The following DNAJC2 variants were observed in gnomAD, a reference collection of about 807,000 sequenced individuals.
DNAJC2 encodes the protein DnaJ heat shock protein family (Hsp40) member C2.
Under a neutral mutation model 94.0 loss-of-function variants are expected in DNAJC2, and 32 were observed. That is an observed-to-expected ratio of 0.34 (90% confidence interval 0.26 to 0.46). The LOEUF (loss-of-function observed/expected upper bound fraction) is 0.46, where lower values mean the gene tolerates loss of function less well. DNAJC2 is among the 20% of genes least tolerant of loss of function. The probability of loss-of-function intolerance (pLI) is 1.00; values close to 1 mark genes in which losing one functional copy is unlikely to be tolerated. For synonymous variants in DNAJC2, 210 were observed against 229.7 expected (o/e 0.91, Z 0.77); for missense variants, 550 against 719.5 (o/e 0.76, Z 2.69).
intron 3 of DNAJC2, among the ~76,000 whole-genome samples, chr7:103,331,741 T>C (rs1369509154): frequency 6.6e-6 from 1 of 152,230 alleles, no homozygotes; most frequent in Admixed American, 6.5e-5. Context: ...CTTTTCTTTA[T>C]CAACTAGTCT....
chr7:103,316,712 G>T, intron 13 of DNAJC2, 118 bp downstream of exon 13: 1 of 866,502 alleles, frequency 1.2e-6, no homozygotes. Flanking sequence ...CTTTTCTGCT[G>T]TGGCACAGAA....
chr7:103,327,452 G>T, intron 4 of DNAJC2: 2 of 749,980 alleles, frequency 2.7e-6, no homozygotes, highest in Non-Finnish European at 4.3e-6. Context: ...GCTGCCAGGT[G>T]TTGCTGATGC....
At chr7:103,337,653 T>C in intron 3 of DNAJC2, 83 bp downstream of exon 3, 1 of 1,129,602 alleles carries the variant, frequency 8.9e-7, no homozygotes, top group Non-Finnish European at 1.3e-6. Flanking sequence ...CTGCAGACTA[T>C]GATACTGTAT....
chr7:103,320,560 A>G (rs1006047530), intron 10 of DNAJC2, among the ~76,000 whole-genome samples: 2 of 151,404 alleles, frequency 1.3e-5, no homozygotes, highest in East Asian at 3.9e-4. Context: ...GGAGATCGAG[A>G]CCATCCTGGC....
chr7:103,319,513 C>T, intron 12 of DNAJC2, 96 bp downstream of exon 12: 1 of 1,118,470 alleles, frequency 8.9e-7, no homozygotes, highest in Non-Finnish European at 1.3e-6. Flanking sequence ...AAATCAGATA[C>T]TCCCTGCACT....
At chr7:103,340,758 A>G (rs574525318) in intron 2 of DNAJC2, among the ~76,000 whole-genome samples, 6 of 152,336 alleles carry the variant, frequency 3.9e-5, no homozygotes, top group East Asian at 1.9e-4. Flanking sequence ...TTGTCATTCA[A>G]TTCCTCACAG....
rs747301944 is a variant in DNAJC2, at chr7:103,313,018, G to A, written c.1720C>T (p.Pro574Ser). Residue 574 changes from proline to serine, a missense_variant, in exon 16 of 17, where the codon CCT becomes TCT. By Grantham distance (74) the Pro-to-Ser change is moderately conservative. Transcript: ENST00000379263. Reference sequence around the variant, plus strand: ...TCTGCTATTTTTTCCCATCTTTCAGGTGTATTTACTGGGTATGTTTTCAAA... The same window carrying A: ...TCTGCTATTTTTTCCCATCTTTCAGATGTATTTACTGGGTATGTTTTCAAA... ...QALKTYPVNTPERWEKIAEAV... is the reference protein window; with the variant it reads ...QALKTYPVNTSERWEKIAEAV... 1.2e-6 allele frequency: 2 copies of A among 1,613,904 alleles called. No individual in the cohort carries two copies. The highest frequency in any genetic ancestry group is 1.1e-5 in the South Asian group (1 of 91,068).
At chr7:103,334,617 TAA>T (rs920334611) in intron 3 of DNAJC2, among the ~76,000 whole-genome samples, 4 of 142,184 alleles carry the variant, frequency 2.8e-5, no homozygotes, top group African/African-American at 7.7e-5. Flanking sequence ...TTTTTTTAAT[TAA>T]AAAAAAAAAA....
intron 2 of DNAJC2, among the ~76,000 whole-genome samples, chr7:103,339,006 G>A (rs1376081039): frequency 6.6e-6 from 1 of 152,080 alleles, no homozygotes; most frequent in Non-Finnish European, 1.5e-5. Flanking sequence ...GCCTAAGAAA[G>A]GCTCTGAGAA....
intron 3 of DNAJC2, among the ~76,000 whole-genome samples, chr7:103,333,101 T>A (rs1819038829): frequency 6.6e-6 from 1 of 151,122 alleles, no homozygotes; most frequent in African/African-American, 2.5e-5. Context: ...TGAAGTGTCA[T>A]GCTGGCACTC....
chr7:103,325,515 G>A (rs1818659830), intron 5 of DNAJC2, among the ~76,000 whole-genome samples: 1 of 151,382 alleles, frequency 6.6e-6, no homozygotes, highest in Admixed American at 6.6e-5. Context: ...ACTAGGTGGC[G>A]CCAAACCGCT....
chr7:103,317,533 G>A (rs1818137336), intron 12 of DNAJC2, among the ~76,000 whole-genome samples: 1 of 152,158 alleles, frequency 6.6e-6, no homozygotes, highest in Non-Finnish European at 1.5e-5. Flanking sequence ...GCTATCTTAA[G>A]AGTCAGCTTT....
intron 5 of DNAJC2, among the ~76,000 whole-genome samples, chr7:103,325,806 A>G (rs1323262769): frequency 1.3e-5 from 2 of 152,208 alleles, no homozygotes; most frequent in African/African-American, 4.8e-5. Context: ...CGTAACTATA[A>G]ATAATGTTTT....
intron 3 of DNAJC2, among the ~76,000 whole-genome samples, chr7:103,328,168 C>T (rs1054429451): frequency 6.6e-5 from 10 of 151,862 alleles, no homozygotes; most frequent in South Asian, 2.1e-4. Flanking sequence ...GTGATCCACC[C>T]GCCTCGGCCT....
chr7:103,337,440 G>A (rs1233816781), intron 3 of DNAJC2: 3 of 258,934 alleles, frequency 1.2e-5, no homozygotes, highest in Non-Finnish European at 2.2e-5. Context: ...TACTTCTAAA[G>A]AGAGGTGAAG....
intron 3 of DNAJC2, among the ~76,000 whole-genome samples, chr7:103,328,669 G>A (rs994689064): frequency 1.3e-5 from 2 of 152,088 alleles, no homozygotes; most frequent in Non-Finnish European, 2.9e-5. Flanking sequence ...AGATGTAATC[G>A]TATGTACTAA....
At chr7:103,337,258 C>T (rs563087902) in intron 3 of DNAJC2, 1 of 153,326 alleles carries the variant, frequency 6.5e-6, no homozygotes, top group South Asian at 2.0e-4. Flanking sequence ...CTCTCCCATG[C>T]CAAATTATAA....
At chr7:103,338,852 G>C (rs1819276702) in intron 2 of DNAJC2, among the ~76,000 whole-genome samples, 1 of 152,124 alleles carries the variant, frequency 6.6e-6, no homozygotes, top group African/African-American at 2.4e-5. Context: ...GGAGGTTGCA[G>C]TGGGCCAAGA....
intron 3 of DNAJC2, among the ~76,000 whole-genome samples, chr7:103,330,613 G>A (rs1210835140): frequency 1.3e-5 from 2 of 151,924 alleles, no homozygotes; most frequent in Non-Finnish European, 2.9e-5. Context: ...CACTACGCCC[G>A]GCTAATTTTT....
Sources: gnomAD v4.1 joint callset for allele counts (sites outside exome capture counted in the v4.1 genomes callset) on GRCh38, gnomAD v4.1.1 for gene constraint, MANE v1.5 for transcripts, NCBI Gene and HGNC (gene_info 2026-07-23, HGNC 2026-07-21) for gene names.